Variants in CPNE4 observed in about 807,000 individuals in gnomAD.
CPNE4 encodes copine-4.
CPNE4 carries 25 observed loss-of-function variants against 67.9 expected under a neutral mutation model. The observed-to-expected ratio is 0.37, with a 90% CI of 0.27 to 0.51. The LOEUF is 0.51. Among genes scored for constraint, CPNE4 ranks in the 20% least tolerant of loss-of-function variants. The pLI is 0.93. For synonymous variants in CPNE4, 242 were observed against 244.9 expected, an observed-to-expected ratio of 0.99 and a Z score of 0.11; for missense variants, 464 against 690.8, an observed-to-expected ratio of 0.67 and a Z score of 3.68.
chr3:131,888,425 C>T (rs1460738099), intron 2 of CPNE4, among the ~76,000 whole-genome samples: 1 of 151,630 alleles, frequency 6.6e-6, no homozygotes. Flanking sequence ...GTCTCTAGGA[C>T]TAACTACTCC....
intron 2 of CPNE4, among the ~76,000 whole-genome samples, chr3:131,764,050 G>A (rs1010651437): frequency 2.0e-5 from 3 of 151,992 alleles, no homozygotes; most frequent in African/African-American, 2.4e-5. Flanking sequence ...AGTGAACTGA[G>A]CCACAAGGAT....
intron 2 of CPNE4, among the ~76,000 whole-genome samples, chr3:131,774,974 G>C (rs2083258423): frequency 6.6e-6 from 1 of 152,112 alleles, no homozygotes; most frequent in Admixed American, 6.6e-5. Flanking sequence ...TGGCTGATAA[G>C]AGATAAAGCA....
intron 2 of CPNE4, among the ~76,000 whole-genome samples, chr3:131,869,340 T>C (rs985507562): frequency 2.6e-5 from 4 of 152,206 alleles, no homozygotes; most frequent in African/African-American, 7.2e-5. Context: ...GCATAAAGAA[T>C]AGAAATAATA....
At chr3:131,964,825 C>T (rs1010368094) in intron 1 of CPNE4, among the ~76,000 whole-genome samples, 2 of 151,952 alleles carry the variant, frequency 1.3e-5, no homozygotes, top group East Asian at 1.9e-4. Flanking sequence ...GGAGAACATC[C>T]CCAACCTAGC....
intron 2 of CPNE4, among the ~76,000 whole-genome samples, chr3:131,870,823 A>T (rs1282469648): frequency 6.6e-6 from 1 of 152,218 alleles, no homozygotes; most frequent in Non-Finnish European, 1.5e-5. Flanking sequence ...GCCACATTAG[A>T]GACGCACATA....
chr3:131,917,582 A>G (rs1583452496), intron 1 of CPNE4, among the ~76,000 whole-genome samples: 1 of 145,258 alleles, frequency 6.9e-6, no homozygotes, highest in Admixed American at 6.9e-5. Context: ...TCTCTCTCTC[A>G]CTCTTTAATA....
chr3:131,884,637 A>C (rs6785569), intron 2 of CPNE4, among the ~76,000 whole-genome samples: 53,772 of 151,964 alleles, frequency 0.35, 10,690 homozygotes, highest in African/African-American at 0.53. Context: ...CTTGAATGGT[A>C]CTCCCATAAT....
intron 1 of CPNE4, among the ~76,000 whole-genome samples, chr3:132,009,572 C>A (rs2073697707): frequency 6.6e-6 from 1 of 152,140 alleles, no homozygotes; most frequent in African/African-American, 2.4e-5. Flanking sequence ...AAGATGCCAG[C>A]AAGGTGAAGG....
At chr3:131,681,763 A>G (rs936762054) in intron 6 of CPNE4, among the ~76,000 whole-genome samples, 2 of 151,496 alleles carry the variant, frequency 1.3e-5, no homozygotes, top group Non-Finnish European at 2.9e-5. Context: ...TAACTCTTAG[A>G]TTTGTCCTTT....
chr3:131,587,623 T>A lies in CPNE4; in HGVS notation c.682-41A>T. On this transcript the variant is annotated intron_variant, in intron 7 of 15. Transcript: ENST00000429747. Reference sequence around the variant, plus strand: ...ATGATCTTTCTTAAAAAATTAAGAATGTAGCCACAGCAGCTGAAGGCAATG... The same window carrying A: ...ATGATCTTTCTTAAAAAATTAAGAAAGTAGCCACAGCAGCTGAAGGCAATG... The A allele has an allele frequency of 2.1e-6, 3 of 1,421,604 alleles. No individual in the cohort carries two copies. The South Asian group carries it at 3.5e-5, about 17-fold the overall frequency. 88.1% of individuals were successfully genotyped at this position (1,421,604 alleles called of 1,614,324 possible).
At chr3:132,003,514 C>T (rs1222688282) in intron 1 of CPNE4, among the ~76,000 whole-genome samples, 7 of 151,904 alleles carry the variant, frequency 4.6e-5, no homozygotes, top group Non-Finnish European at 8.8e-5. Context: ...GTGTGTGATG[C>T]CCTTGACAGC....
rs983528524 is a variant in CPNE4, at chr3:131,794,778, G to A, written c.181-71153C>T. Among the ~76,000 whole-genome samples, 5 of 152,308 alleles carry A rather than the reference G, an allele frequency of 3.3e-5. 1 individual carries two copies. The highest frequency in any genetic ancestry group is 2.0e-4 in the Admixed American group (3 of 15,296). On this transcript the variant is annotated intron_variant, in intron 2 of 15. Coordinates refer to ENST00000429747, the MANE Select transcript of CPNE4 (RefSeq NM_130808.3). Reference sequence around the variant, plus strand: ...TTAACTCCCTGGGTAGTTGAGGCTTGAGTACTAGGTAGTTGAGTACCAGAG... The same window carrying A: ...TTAACTCCCTGGGTAGTTGAGGCTTAAGTACTAGGTAGTTGAGTACCAGAG...
Position 131,696,544 on chromosome 3 carries a change from T to G in CPNE4, c.505A>C (p.Lys169Gln). ...LAFNARKLDDKDFFSKSDPFL... is the reference protein window; with the variant it reads ...LAFNARKLDDQDFFSKSDPFL... ...AAGGTTAATGCCAAACGCTTTACCT[T>G]GTCATCCAATTTCCGTGCATTGAAT... Residue 169 changes from lysine (K) to glutamine (Q), a missense_variant and splice_region_variant, in exon 5 of 16, where the codon AAG becomes CAG. Physicochemically the swap from Lys to Gln is moderately conservative, Grantham distance 53 (BLOSUM62 1). This residue lies in a region of CPNE4 where 3 missense variants were observed against 18.0 expected (regional missense o/e 0.17). Transcript: ENST00000429747. The G allele has an allele frequency of 8.1e-6, 13 of 1,613,874 alleles. No individual in the cohort carries two copies. The highest frequency in any genetic ancestry group is 1.1e-5 in the Non-Finnish European group (13 of 1,179,774).
At chr3:131,785,639 T>C (rs1177100245) in intron 2 of CPNE4, among the ~76,000 whole-genome samples, 1 of 150,200 alleles carries the variant, frequency 6.7e-6, no homozygotes, top group Non-Finnish European at 1.5e-5. Flanking sequence ...GTTTGTTACA[T>C]CTGCCAGCAC....
At chr3:131,799,506 G>T (rs960071735) in intron 2 of CPNE4, among the ~76,000 whole-genome samples, 1 of 152,100 alleles carries the variant, frequency 6.6e-6, no homozygotes, top group African/African-American at 2.4e-5. Context: ...GTTGTGTTTT[G>T]TCTTTAATTT....
At chr3:131,782,220 A>G (rs538041964) in intron 2 of CPNE4, among the ~76,000 whole-genome samples, 1 of 152,226 alleles carries the variant, frequency 6.6e-6, no homozygotes, top group African/African-American at 2.4e-5. Context: ...CCAATTCTGA[A>G]GATGACAGTT....
intron 2 of CPNE4, among the ~76,000 whole-genome samples, chr3:131,781,087 T>C (rs574548372): frequency 5.3e-5 from 8 of 151,618 alleles, no homozygotes; most frequent in Non-Finnish European, 1.0e-4. Context: ...ATGAGGTGGC[T>C]GTGACAAAAA....
intron 3 of CPNE4, among the ~76,000 whole-genome samples, chr3:131,718,030 G>T (rs2081780639): frequency 6.7e-6 from 1 of 149,644 alleles, no homozygotes; most frequent in Non-Finnish European, 1.5e-5. Context: ...TTGAGACAGA[G>T]TATTGCACTG....
chr3:131,696,965 T>C (rs951304730), intron 4 of CPNE4, among the ~76,000 whole-genome samples: 1 of 152,246 alleles, frequency 6.6e-6, no homozygotes, highest in Non-Finnish European at 1.5e-5. Flanking sequence ...TGTCTCCCTT[T>C]GGTAAATTAC....
Sources: gnomAD v4.1 joint callset for allele counts (sites outside exome capture counted in the v4.1 genomes callset) on GRCh38, gnomAD v4.1.1 for gene constraint, gnomAD v4.1.1 regional missense constraint, MANE v1.5 for transcripts, NCBI Gene and HGNC (gene_info 2026-07-23, HGNC 2026-07-21) for gene names.